MTHFD2L: variants seen among roughly 807,000 people sequenced by gnomAD.
MTHFD2L encodes methylenetetrahydrofolate dehydrogenase (NADP+ dependent) 2 like.
A neutral mutation model predicts 34.9 loss-of-function variants in MTHFD2L; 29 were observed. The ratio of observed to expected loss-of-function variants is 0.83; its 90% CI spans 0.62 to 1.13. The LOEUF is 1.13. Among genes scored for constraint, MTHFD2L ranks in the 50% most tolerant of loss-of-function variants. The probability of loss-of-function intolerance (pLI) is 0.00; values close to 1 mark genes in which losing one functional copy is unlikely to be tolerated. For missense variants in MTHFD2L, 481 were observed against 446.5 expected, an observed-to-expected ratio of 1.08 and a Z score of -0.70; for synonymous variants, 167 against 155.7, an observed-to-expected ratio of 1.07 and a Z score of -0.54.
At chr4:74,267,276 TTTCTA>T (rs541923824) in intron 6 of MTHFD2L, 1 of 957,280 alleles carries the variant, frequency 1.0e-6, no homozygotes, top group East Asian at 1.2e-4. Context: ...ACATTTCTTT[TTTCTA>T]TTCTATTCTT....
At chr4:74,248,860 T>C (rs1179309907) in intron 6 of MTHFD2L, among the ~76,000 whole-genome samples, 2 of 151,408 alleles carry the variant, frequency 1.3e-5, no homozygotes, top group Non-Finnish European at 3.0e-5. Context: ...TTGTTATAAT[T>C]TCTGTTCTTT....
upstream of MTHFD2L, chr4:74,157,926 T>C (rs1299716458): frequency 1.0e-5 from 8 of 780,422 alleles, no homozygotes; most frequent in Non-Finnish European, 1.5e-5. Flanking sequence ...ACTTGGGTCC[T>C]GGCCCCGCCC....
chr4:74,178,549 A>G (rs988256931), intron 3 of MTHFD2L, among the ~76,000 whole-genome samples: 4 of 152,018 alleles, frequency 2.6e-5, no homozygotes, highest in African/African-American at 4.8e-5. Context: ...GTCCTGTGCT[A>G]GAGACTAAAT....
intron 5 of MTHFD2L, among the ~76,000 whole-genome samples, chr4:74,220,279 T>C (rs920318809): frequency 6.6e-6 from 1 of 151,954 alleles, no homozygotes; most frequent in Non-Finnish European, 1.5e-5. Flanking sequence ...TCTTGAGGGT[T>C]TATAGTGAGT....
Position 74,277,861 on chromosome 4 carries a change from T to G in MTHFD2L, c.806-3564T>G, listed in dbSNP as rs575752139. On this transcript the variant is annotated intron_variant, in intron 6 of 7. Coordinates refer to ENST00000325278, the MANE Select transcript of MTHFD2L (RefSeq NM_001144978.3). Reference sequence around the variant, plus strand: ...TCTGAGATAGGTAGCCTAGGTTCATTTAACCATTCCTCTAGTGCAGAGGGT... The same window carrying G: ...TCTGAGATAGGTAGCCTAGGTTCATGTAACCATTCCTCTAGTGCAGAGGGT... Among the ~76,000 whole-genome samples, 23 of 152,158 alleles carry G rather than the reference T, an allele frequency of 1.5e-4. No individual in the cohort carries two copies. In the East Asian group the frequency reaches 4.3e-3, roughly 28 times the overall value.
At chr4:74,206,525 T>A in intron 5 of MTHFD2L, among the ~76,000 whole-genome samples, 1 of 152,048 alleles carries the variant, frequency 6.6e-6, no homozygotes, top group Non-Finnish European at 1.5e-5. Context: ...AAGGGAGAGA[T>A]GTGGAGTCTT....
intron 3 of MTHFD2L, 100 bp downstream of exon 3, chr4:74,175,503 A>G (rs1456442648): frequency 2.4e-6 from 3 of 1,256,372 alleles, no homozygotes; most frequent in Non-Finnish European, 1.1e-6. Flanking sequence ...TATAAAATAC[A>G]TTCAGAAGGA....
chr4:74,302,263 TTAC>T lies in MTHFD2L; in HGVS notation c.*458_*460del, dbSNP rs1248350100. The T allele has an allele frequency of 6.6e-6, 1 of 152,218 alleles. No individual in the cohort carries two copies. The highest frequency in any genetic ancestry group is 1.9e-4 in the East Asian group (1 of 5,204). The allele number at this position is 152,218 out of a possible 1,614,324, so 9.4% of individuals were successfully genotyped here. A position where few individuals can be genotyped will look rare whatever the true frequency, so the allele number is the denominator to read the frequency against. The stretch of plus-strand genomic sequence containing the variant: ...TGTCATATATTAAAAAAGAGCTTGC[TTAC>T]TACAAGAAAAATATTGAAATATTGA... On this transcript the variant is annotated 3_prime_UTR_variant, in exon 8 of 8. Coordinates refer to ENST00000325278, the MANE Select transcript of MTHFD2L (RefSeq NM_001144978.3).
chr4:74,122,319 G>C (rs1721806611), upstream of MTHFD2L, among the ~76,000 whole-genome samples: 4 of 152,298 alleles, frequency 2.6e-5, no homozygotes, highest in South Asian at 8.3e-4. Context: ...ATGGTAGAAG[G>C]TGAAGGGGAA....
rs200900770 is a variant in MTHFD2L, at chr4:74,134,316, C to A, written c.-297+8799C>A. 1.4e-4 allele frequency among the ~76,000 whole-genome samples: 22 copies of A among 152,242 alleles called. No individual in the cohort carries two copies. In the East Asian group the frequency reaches 4.3e-3, roughly 29 times the overall value. On this transcript the variant is annotated intron_variant, in intron 1 of 7. Coordinates refer to the MTHFD2L transcript ENST00000433372. ...TGTAGCAAGTATGTTCCACAAGTCC[C>A]CTGGGAACACACCCGTGGCCGGCCT...
chr4:74,223,307 C>A (rs1296750747), intron 5 of MTHFD2L, among the ~76,000 whole-genome samples: 1 of 151,886 alleles, frequency 6.6e-6, no homozygotes. Flanking sequence ...AGAATGAGAT[C>A]ACATCCTTTA....
At chr4:74,272,608 A>G (rs1746137071) in intron 6 of MTHFD2L, among the ~76,000 whole-genome samples, 1 of 152,088 alleles carries the variant, frequency 6.6e-6, no homozygotes, top group South Asian at 2.1e-4. Flanking sequence ...GGGAGTGTTT[A>G]ATGATTGGTA....
At chr4:74,264,482 A>C (rs1327916344) in intron 6 of MTHFD2L, among the ~76,000 whole-genome samples, 2 of 151,984 alleles carry the variant, frequency 1.3e-5, no homozygotes, top group Admixed American at 1.3e-4. Flanking sequence ...CCATGCTTTA[A>C]AAACATTTCA....
intron 6 of MTHFD2L, among the ~76,000 whole-genome samples, chr4:74,231,955 C>T (rs1408882812): frequency 6.6e-6 from 1 of 152,110 alleles, no homozygotes; most frequent in African/African-American, 2.4e-5. Context: ...GCTAGCCAAT[C>T]CATGTAAAGA....
intron 6 of MTHFD2L, among the ~76,000 whole-genome samples, chr4:74,228,802 A>G (rs1380921404): frequency 6.6e-6 from 1 of 152,232 alleles, no homozygotes; most frequent in Non-Finnish European, 1.5e-5. Context: ...AAAATAAACA[A>G]GACAGGAGCC....
intron 5 of MTHFD2L, among the ~76,000 whole-genome samples, chr4:74,210,950 T>C (rs1375606337): frequency 6.6e-6 from 1 of 152,192 alleles, no homozygotes; most frequent in Non-Finnish European, 1.5e-5. Flanking sequence ...TTGAAGCAAT[T>C]GTCAATGGGA....
intron 1 of MTHFD2L, chr4:74,165,067 A>AT (rs1726372669): frequency 4.9e-6 from 4 of 815,206 alleles, no homozygotes; most frequent in African/African-American, 1.9e-5. Context: ...AAACTAGCAC[A>AT]TTTTTTAGAG....
upstream of MTHFD2L, among the ~76,000 whole-genome samples, chr4:74,154,887 G>T (rs547489200): frequency 1.2e-3 from 178 of 152,162 alleles, 1 homozygote; most frequent in Middle Eastern, 3.4e-3. Context: ...ATAAATATTT[G>T]TATATGTAAC....
intron 1 of MTHFD2L, among the ~76,000 whole-genome samples, chr4:74,152,300 G>A (rs1481236964): frequency 6.6e-6 from 1 of 151,892 alleles, no homozygotes; most frequent in Non-Finnish European, 1.5e-5. Context: ...TCTGCTTTAG[G>A]AAGCTTTATA....
Sources: allele counts gnomAD v4.1 joint callset (sites outside exome capture counted in the v4.1 genomes callset), GRCh38; gene constraint gnomAD v4.1.1; transcripts MANE v1.5; gene names NCBI Gene and HGNC (gene_info 2026-07-23, HGNC 2026-07-21).